The following TDRD12 variants were observed in gnomAD, a reference collection of about 807,000 sequenced individuals.
TDRD12 encodes putative ATP-dependent RNA helicase TDRD12.
Under a neutral mutation model 133.5 loss-of-function variants are expected in TDRD12, and 158 were observed. That is an observed-to-expected ratio of 1.18 (90% confidence interval 1.04 to 1.35). The LOEUF (loss-of-function observed/expected upper bound fraction) is 1.35. TDRD12 is among the 40% of genes most tolerant of loss of function. TDRD12 has a pLI of 0.00. For synonymous variants in TDRD12, 460 were observed against 477.9 expected (o/e 0.96, Z 0.49); for missense variants, 1,443 against 1,321.3 (o/e 1.09, Z -1.43).
intron 10 of TDRD12, among the ~76,000 whole-genome samples, chr19:32,776,099 T>G (rs1388534970): frequency 6.6e-6 from 1 of 152,134 alleles, no homozygotes; most frequent in Non-Finnish European, 1.5e-5. Flanking sequence ...TTGGGGCTTG[T>G]GTTGGGTCAT....
chr19:32,826,551 C>G (rs1042704129), exon 9 of TDRD12: 57 of 1,243,666 alleles, frequency 4.6e-5, no homozygotes, highest in Non-Finnish European at 5.6e-5. Flanking sequence ...TGTAATCACT[C>G]TGGCCAAAGA....
chr19:32,816,366 G>A (rs1049686071), intron 26 of TDRD12, among the ~76,000 whole-genome samples: 1 of 152,140 alleles, frequency 6.6e-6, no homozygotes, highest in African/African-American at 2.4e-5. Flanking sequence ...TCGAAAAGCA[G>A]GGATGGTTTT....
rs181001978 is a variant in TDRD12 at position 32,792,434 on chromosome 19, A to T, written c.1287+1366A>T. On this transcript the variant is annotated intron_variant, in intron 13 of 27. Coordinates refer to ENST00000444215, the Ensembl canonical transcript of TDRD12. ...GGGGATATTGAAAATAGGATATTTT[A>T]AAAAGGAACAGGCAGAATAAAAGAT... 3.2e-3 allele frequency among the ~76,000 whole-genome samples: 480 copies of T among 152,304 alleles called. 6 individuals are homozygous for T. Among genetic ancestry groups the T allele is most frequent in the African/African-American group, 0.01 (418 of 41,576 alleles).
chr19:32,735,895 G>A (rs908633086), intron 2 of TDRD12, among the ~76,000 whole-genome samples: 25 of 152,176 alleles, frequency 1.6e-4, no homozygotes, highest in African/African-American at 6.0e-4. Context: ...GCTTGAACCC[G>A]GGAGGTGGAG....
chr19:32,814,850 C>A (rs1967122053), intron 25 of TDRD12, among the ~76,000 whole-genome samples: 1 of 152,190 alleles, frequency 6.6e-6, no homozygotes, highest in Admixed American at 6.5e-5. Context: ...GAAGGGGCCC[C>A]AGCCAGGGCA....
exon 14 of TDRD12, chr19:32,794,805 A>G: frequency 1.4e-6 from 1 of 703,172 alleles, no homozygotes. Flanking sequence ...ATTACCAAGT[A>G]GAAATGGAGT....
At position 32,748,513 on chromosome 19, in the gene TDRD12, T is replaced by C. The variant is rs1969724820; in HGVS notation, c.478T>C (p.Phe160Leu). 6.4e-7 allele frequency: 1 copy of C among 1,551,614 alleles called. No individual in the cohort carries two copies. Among genetic ancestry groups the C allele is most frequent in the African/African-American group, 1.4e-5 (1 of 73,056 alleles). ...GTGGGACAATGCAGCTATTCAGTACTTTCAGAACCTTCTGAAAGGTAAGCC... is the reference window on the plus strand; with the variant it reads ...GTGGGACAATGCAGCTATTCAGTACCTTCAGAACCTTCTGAAAGGTAAGCC... Residue 160 changes from phenylalanine to leucine, a missense_variant, in exon 5 of 28, where the codon TTT becomes CTT. By Grantham distance (22) the Phe-to-Leu change is conservative. Transcript: ENST00000444215.
intron 11 of TDRD12, among the ~76,000 whole-genome samples, chr19:32,788,960 T>C (rs1382871264): frequency 6.6e-6 from 1 of 152,212 alleles, no homozygotes; most frequent in East Asian, 1.9e-4. Context: ...TTAGCCTCCT[T>C]CTTTTCAGTT....
intron 11 of TDRD12, among the ~76,000 whole-genome samples, chr19:32,779,029 C>A (rs926605293): frequency 6.6e-6 from 1 of 152,180 alleles, no homozygotes; most frequent in African/African-American, 2.4e-5. Flanking sequence ...GGACCCTCCC[C>A]CTTGACTGCG....
intron 2 of TDRD12, among the ~76,000 whole-genome samples, chr19:32,734,427 G>A (rs1969162574): frequency 6.6e-6 from 1 of 151,076 alleles, no homozygotes; most frequent in South Asian, 2.1e-4. Context: ...CTGGAGTGCA[G>A]TGACTCTATC....
At chr19:32,757,242 T>C in intron 8 of TDRD12, 112 bp downstream of exon 8, 1 of 876,868 alleles carries the variant, frequency 1.1e-6, no homozygotes, top group Non-Finnish European at 1.8e-6. Context: ...TTCTCTTTTC[T>C]TAATTTAATG....
downstream of TDRD12, among the ~76,000 whole-genome samples, chr19:32,825,422 G>T (rs1003764765): frequency 6.6e-6 from 1 of 152,128 alleles, no homozygotes; most frequent in African/African-American, 2.4e-5. The surrounding 1 kb of genome is among the most constrained non-coding windows in gnomAD (Gnocchi z 4.1). Context: ...CTCCTCGTGC[G>T]TGCTGGCCGC....
rs1200062074 is a variant in TDRD12, at chr19:32,826,763, C to T, written c.1049+165C>T. The stretch of plus-strand genomic sequence containing the variant: ...ACTTCCCCAAGGGTAAGGCATAGAG[C>T]GCCCACTCTCCGAGGGGTTGTAGGT... On this transcript the variant is annotated intron_variant, in intron 9 of 9. Transcript: ENST00000637289. 4.6e-5 allele frequency: 57 copies of T among 1,230,278 alleles called. No homozygotes were observed. The highest frequency in any genetic ancestry group is 8.4e-5 in the Admixed American group (2 of 23,692). 76.2% of individuals were successfully genotyped at this position (1,230,278 alleles called of 1,614,324 possible). A position where few individuals can be genotyped will look rare whatever the true frequency, so the allele number is the denominator to read the frequency against.
At chr19:32,783,610 T>C (rs1395832818) in intron 11 of TDRD12, among the ~76,000 whole-genome samples, 1 of 152,228 alleles carries the variant, frequency 6.6e-6, no homozygotes, top group Non-Finnish European at 1.5e-5. Flanking sequence ...GGAATGTTTT[T>C]CCATTTGTTT....
chr19:32,817,426 TG>T (rs1845136458), intron 26 of TDRD12, among the ~76,000 whole-genome samples: 4 of 152,148 alleles, frequency 2.6e-5, no homozygotes, highest in Admixed American at 2.6e-4. Context: ...CCACACGTGT[TG>T]CAGCCCGGGT....
chr19:32,753,806 C>T (rs1969909874), intron 6 of TDRD12, among the ~76,000 whole-genome samples: 2 of 151,890 alleles, frequency 1.3e-5, no homozygotes, highest in East Asian at 1.9e-4. Context: ...TGTGAGCCAC[C>T]ACGCCCGGCT....
chr19:32,744,499 C>CAAAAA lies in TDRD12; in HGVS notation c.440+1620_440+1624dup, dbSNP rs10644749. ...TGGGTGACAGAGTGAGACTCCGTCT[C>CAAAAA]AAAAAAAAAAAAAAAAAAAAAAAAA... is the stretch of plus-strand genomic sequence containing the variant. On this transcript the variant is annotated intron_variant, in intron 4 of 27. Transcript: ENST00000444215. Among the ~76,000 whole-genome samples, 61 of 38,056 alleles carry CAAAAA rather than the reference C, an allele frequency of 1.6e-3. 2 individuals are homozygous for CAAAAA. Among genetic ancestry groups the CAAAAA allele is most frequent in the East Asian group, 1.8e-3 (2 of 1,092 alleles). 25.0% of individuals were successfully genotyped at this position (38,056 alleles called of 152,430 possible). A position where few individuals can be genotyped will look rare whatever the true frequency, so the allele number is the denominator to read the frequency against.
rs542486967 is a variant in TDRD12, at chr19:32,827,339, G to A, written c.*173G>A. 1.8e-5 allele frequency: 9 copies of A among 496,012 alleles called. No individual in the cohort carries two copies. In the African/African-American group the frequency reaches 2.1e-4, roughly 11 times the overall value. 30.7% of individuals were successfully genotyped at this position (496,012 alleles called of 1,614,324 possible). A position where few individuals can be genotyped will look rare whatever the true frequency, so the allele number is the denominator to read the frequency against. On this transcript the variant is annotated 3_prime_UTR_variant, in exon 10 of 10. Transcript: ENST00000637289. Reference sequence around the variant, plus strand: ...CATGTGACCGACAGTTAAGAAAACAGTCAGTCATAACCAAATCTTTTTCTT... The same window carrying A: ...CATGTGACCGACAGTTAAGAAAACAATCAGTCATAACCAAATCTTTTTCTT...
chr19:32,780,361 A>T (rs1317544544), intron 11 of TDRD12, among the ~76,000 whole-genome samples: 1 of 152,178 alleles, frequency 6.6e-6, no homozygotes, highest in Non-Finnish European at 1.5e-5. Flanking sequence ...TGCTGGGATT[A>T]CAGGCATGAG....
Sources: allele counts gnomAD v4.1 joint callset (sites outside exome capture counted in the v4.1 genomes callset), GRCh38; gene constraint gnomAD v4.1.1; non-coding constraint Gnocchi (gnomAD v3.1); transcripts MANE v1.5; gene names NCBI Gene and HGNC (gene_info 2026-07-23, HGNC 2026-07-21).